The following PPP1R9A variants were observed in gnomAD, a reference collection of about 807,000 sequenced individuals.
PPP1R9A encodes the protein neurabin-1.
Under a neutral mutation model 141.9 loss-of-function variants are expected in PPP1R9A, and 59 were observed. The observed-to-expected ratio is 0.42, with a 90% CI of 0.34 to 0.52. PPP1R9A has a LOEUF of 0.52. PPP1R9A is among the 20% of genes least tolerant of loss of function. The pLI is 0.10. For missense variants in PPP1R9A, 1,444 were observed against 1,611.9 expected (o/e 0.90, Z 1.78); for synonymous variants, 500 against 569.7 (o/e 0.88, Z 1.74).
chr7:95,226,213 A>T, intron 8 of PPP1R9A, 97 bp downstream of exon 8: 1 of 1,253,420 alleles, frequency 8.0e-7, no homozygotes, highest in South Asian at 2.1e-5. Flanking sequence ...TCAGTTTGCA[A>T]ATCAAAGCTT....
rs774243493 is a variant in PPP1R9A, at chr7:95,273,926, G to A, written c.3152G>A (p.Arg1051Lys). Residue 1051 changes from arginine (R) to lysine (K), a missense_variant, in exon 15 of 20, where the codon AGG becomes AAG. Coordinates refer to ENST00000433360, the MANE Select transcript of PPP1R9A (RefSeq NM_001166160.2). ...KDDAKDPKSL[R>K]ASSSLAVQGG... ...GATGCCAAAGATCCCAAATCACTAA[G>A]GGCATCCAGTTCATTGGCGGTGCAA... 6.6e-7 allele frequency: 1 copy of A among 1,504,954 alleles called. No individual in the cohort carries two copies. Among genetic ancestry groups the A allele is most frequent in the Non-Finnish European group, 9.1e-7 (1 of 1,095,242 alleles). 93.2% of individuals were successfully genotyped at this position (1,504,954 alleles called of 1,614,324 possible).
chr7:94,948,432 A>C (rs553414443), intron 2 of PPP1R9A, among the ~76,000 whole-genome samples: 1 of 151,962 alleles, frequency 6.6e-6, no homozygotes, highest in South Asian at 2.1e-4. Flanking sequence ...GGAGGTTTCT[A>C]TTTGGGTATC....
In PPP1R9A at chr7:95,114,908, A is replaced by G. The variant is rs4141389; in HGVS notation, c.1528+3517A>G. On this transcript the variant is annotated intron_variant, in intron 3 of 19. Coordinates refer to ENST00000433360, the MANE Select transcript of PPP1R9A (RefSeq NM_001166160.2). Reference sequence around the variant, plus strand: ...GTCCGTCTCAAAAAAAAAAAAAAAAAGTCTGTAGCACACAGCAAAACCTTT... The same window carrying G: ...GTCCGTCTCAAAAAAAAAAAAAAAAGGTCTGTAGCACACAGCAAAACCTTT... 7.5e-5 allele frequency among the ~76,000 whole-genome samples: 11 copies of G among 147,004 alleles called. No individual in the cohort carries two copies. The South Asian group carries it at 2.3e-3, about 31-fold the overall frequency.
Position 95,042,542 on chromosome 7 carries a change from A to C in PPP1R9A, c.1396-68717A>C, listed in dbSNP as rs371406988. Among the ~76,000 whole-genome samples the C allele has an allele frequency of 3.3e-5, 5 of 152,210 alleles. No homozygotes were observed. The East Asian group carries it at 7.7e-4, about 23-fold the overall frequency. ...TTGTACTTCATTTATGATGCCTTGAAAAATAAACCATACACGTGATTCATT... is the reference window on the plus strand; with the variant it reads ...TTGTACTTCATTTATGATGCCTTGACAAATAAACCATACACGTGATTCATT... On this transcript the variant is annotated intron_variant, in intron 2 of 19. Coordinates refer to ENST00000433360, the MANE Select transcript of PPP1R9A (RefSeq NM_001166160.2).
At chr7:94,932,304 G>T (rs968864186) in intron 2 of PPP1R9A, among the ~76,000 whole-genome samples, 1 of 152,150 alleles carries the variant, frequency 6.6e-6, no homozygotes, top group Non-Finnish European at 1.5e-5. Flanking sequence ...AGATTGAATT[G>T]GTGCCAGCTC....
chr7:95,252,696 G>T (rs1181314469), intron 12 of PPP1R9A, among the ~76,000 whole-genome samples: 1 of 152,074 alleles, frequency 6.6e-6, no homozygotes, highest in Non-Finnish European at 1.5e-5. Context: ...TCGAACTCCT[G>T]ACCTCAGGTG....
chr7:95,188,889 T>C (rs1469968044), intron 5 of PPP1R9A, among the ~76,000 whole-genome samples: 1 of 152,074 alleles, frequency 6.6e-6, no homozygotes, highest in Non-Finnish European at 1.5e-5. Context: ...CATTGTGTTA[T>C]TGTTTTATAG....
intron 7 of PPP1R9A, among the ~76,000 whole-genome samples, chr7:95,208,229 C>G (rs548300357): frequency 3.2e-4 from 48 of 152,196 alleles, no homozygotes; most frequent in African/African-American, 1.2e-3. Context: ...ATACAGAAAC[C>G]TGATTTATGA....
intron 2 of PPP1R9A, among the ~76,000 whole-genome samples, chr7:95,081,488 A>C (rs184715398): frequency 2.2e-4 from 33 of 152,304 alleles, no homozygotes; most frequent in African/African-American, 7.7e-4. Flanking sequence ...AAATGAGATG[A>C]AAAATGTACT....
At chr7:95,058,062 T>A (rs1811730598) in intron 2 of PPP1R9A, among the ~76,000 whole-genome samples, 2 of 152,042 alleles carry the variant, frequency 1.3e-5, no homozygotes, top group African/African-American at 4.8e-5. Flanking sequence ...AACTGGAGAG[T>A]CTGATTCAGT....
chr7:95,014,344 G>C (rs1804814228), intron 2 of PPP1R9A, among the ~76,000 whole-genome samples: 1 of 151,922 alleles, frequency 6.6e-6, no homozygotes, highest in African/African-American at 2.4e-5. Flanking sequence ...TTTGAAATGT[G>C]TAGGCCAGTT....
rs1194839493 is a variant in PPP1R9A at position 94,910,899 on chromosome 7, C to G, written c.786C>G (p.Asn262Lys). Residue 262 changes from asparagine (N) to lysine (K), a missense_variant, in exon 2 of 20, where the codon AAC (asparagine) becomes AAG (lysine). By Grantham distance (94) the Asn-to-Lys change is moderately conservative. Coordinates refer to ENST00000433360, the MANE Select transcript of PPP1R9A (RefSeq NM_001166160.2). This position sits in a 1 kb window ranked among gnomAD's most constrained non-coding sequence, Gnocchi z 4.5. ...ATTCTAATTCCTGGCCTCCTTCAAA[C>G]AAGCGAGGTGTTGATACAGAGGATG... is the stretch of plus-strand genomic sequence containing the variant. ...LKDSNSWPPSNKRGVDTEDAH... is the reference protein window; with the variant it reads ...LKDSNSWPPSKKRGVDTEDAH... 6 of 1,613,902 alleles carry G rather than the reference C, an allele frequency of 3.7e-6. No individual in the cohort carries two copies. The highest frequency in any genetic ancestry group is 5.1e-6 in the Non-Finnish European group (6 of 1,180,020).
At chr7:95,199,943 A>G (rs1251919069) in intron 6 of PPP1R9A, among the ~76,000 whole-genome samples, 1 of 151,950 alleles carries the variant, frequency 6.6e-6, no homozygotes, top group African/African-American at 2.4e-5. Context: ...TCACTGTGCT[A>G]GGATTTTTGG....
At chr7:95,268,466 C>T in intron 12 of PPP1R9A, 84 bp from the exon 13 acceptor site, 2 of 1,487,752 alleles carry the variant, frequency 1.3e-6, no homozygotes, top group Middle Eastern at 2.3e-4. Flanking sequence ...TTACTGGTTA[C>T]CTTGAGATTT....
At chr7:95,138,635 C>G (rs1284089805) in intron 4 of PPP1R9A, among the ~76,000 whole-genome samples, 2 of 152,062 alleles carry the variant, frequency 1.3e-5, no homozygotes, top group Non-Finnish European at 2.9e-5. Context: ...AACTTGTATC[C>G]AGAATATGAA....
chr7:95,096,187 A>G (rs557102837), intron 2 of PPP1R9A, among the ~76,000 whole-genome samples: 3 of 152,170 alleles, frequency 2.0e-5, no homozygotes, highest in Non-Finnish European at 2.9e-5. Flanking sequence ...TTTACAATGC[A>G]TATATTTTAC....
chr7:95,051,285 A>G (rs1810764081), intron 2 of PPP1R9A, among the ~76,000 whole-genome samples: 1 of 152,044 alleles, frequency 6.6e-6, no homozygotes, highest in Non-Finnish European at 1.5e-5. Context: ...GTCAAAGATC[A>G]GTCAAGCATA....
intron 18 of PPP1R9A, 32 bp downstream of exon 18, chr7:95,286,357 TG>T (rs752213931): frequency 1.9e-6 from 3 of 1,607,958 alleles, no homozygotes; most frequent in Admixed American, 1.7e-5. Flanking sequence ...AGAGCTGCTT[TG>T]TCAAATCTGA....
At position 95,157,264 on chromosome 7, in the gene PPP1R9A, C is replaced by CG. The variant is rs542375517; in HGVS notation, c.1650-4603_1650-4602insG. On this transcript the variant is annotated intron_variant, in intron 4 of 19. Coordinates refer to ENST00000433360, the MANE Select transcript of PPP1R9A (RefSeq NM_001166160.2). The stretch of plus-strand genomic sequence containing the variant: ...GCCTTCTCAGCTCCCCCTCTCCCCC[C>CG]CCAGAGTGCAGGGATACCTGGGTCT... Among the ~76,000 whole-genome samples, 36 of 152,278 alleles carry CG rather than the reference C, an allele frequency of 2.4e-4. No individual in the cohort carries two copies. In the South Asian group the frequency reaches 7.2e-3, roughly 31 times the overall value.
Sources: gnomAD v4.1 joint callset for allele counts (sites outside exome capture counted in the v4.1 genomes callset) on GRCh38, gnomAD v4.1.1 for gene constraint, Gnocchi (gnomAD v3.1) non-coding constraint, MANE v1.5 for transcripts, NCBI Gene and HGNC (gene_info 2026-07-23, HGNC 2026-07-21) for gene names.